PPP4R3A: variants seen among roughly 807,000 people sequenced by gnomAD.
PPP4R3A encodes serine/threonine-protein phosphatase 4 regulatory subunit 3A.
Under a neutral mutation model 91.7 loss-of-function variants are expected in PPP4R3A, and 15 were observed. That is an observed-to-expected ratio of 0.16 (90% confidence interval 0.11 to 0.25). PPP4R3A has a LOEUF of 0.25. Among genes scored for constraint, PPP4R3A ranks in the 10% least tolerant of loss-of-function variants. The probability of loss-of-function intolerance (pLI) is 1.00; values close to 1 mark genes in which losing one functional copy is unlikely to be tolerated. For missense variants in PPP4R3A, 623 were observed against 998.4 expected (o/e 0.62, Z 5.07); for synonymous variants, 377 against 348.7 (o/e 1.08, Z -0.91).
At chr14:91,505,157 A>G (rs1595093289) in intron 1 of PPP4R3A, among the ~76,000 whole-genome samples, 1 of 152,108 alleles carries the variant, frequency 6.6e-6, no homozygotes, top group East Asian at 1.9e-4. Context: ...GAACTTATTA[A>G]AAAAAAGAAA....
chr14:91,485,899 C>T (rs775044629), intron 2 of PPP4R3A, among the ~76,000 whole-genome samples, 169 bp from the exon 3 acceptor site: 3 of 152,148 alleles, frequency 2.0e-5, no homozygotes, highest in Non-Finnish European at 4.4e-5. Flanking sequence ...CTTCACTTCC[C>T]CCAATCTATA....
In PPP4R3A at chr14:91,509,727, G is replaced by A. The variant is rs1891663999; in HGVS notation, c.-80C>T. 7.0e-7 allele frequency: 1 copy of A among 1,425,824 alleles called. No individual in the cohort carries two copies. Among genetic ancestry groups the A allele is most frequent in the Non-Finnish European group, 9.1e-7 (1 of 1,098,728 alleles). The allele number at this position is 1,425,824 out of a possible 1,614,324, so 88.3% of individuals were successfully genotyped here. On this transcript the variant is annotated 5_prime_UTR_variant, in exon 1 of 15. In the 5' UTR this introduces an upstream ATG that the reference lacks. Transcript: ENST00000554943. ...GCCCTGGAGAGGCGAGGGGCGAGGCGTGAGGGCGCCCGCGAGCGGAGGGCT... is the reference window on the plus strand; with the variant it reads ...GCCCTGGAGAGGCGAGGGGCGAGGCATGAGGGCGCCCGCGAGCGGAGGGCT...
chr14:91,505,112 G>C (rs1194432636), intron 1 of PPP4R3A, among the ~76,000 whole-genome samples: 1 of 152,030 alleles, frequency 6.6e-6, no homozygotes, highest in Non-Finnish European at 1.5e-5. Flanking sequence ...CTTAATAGAT[G>C]AATGACTTTG....
In PPP4R3A at chr14:91,460,909, G is replaced by A. The variant is rs540472381; in HGVS notation, c.2391+472C>T. The stretch of plus-strand genomic sequence containing the variant: ...GCTGGGATTACAGGCGTGAGCCACC[G>A]TGCCCAGCCCTTGTTCATTTCTTAT... On this transcript the variant is annotated intron_variant, in intron 14 of 14. Coordinates refer to ENST00000554943, the MANE Select transcript of PPP4R3A (RefSeq NM_001366432.2). 1.2e-3 allele frequency among the ~76,000 whole-genome samples: 184 copies of A among 152,242 alleles called. 1 individual carries two copies. The highest frequency in any genetic ancestry group is 4.2e-3 in the African/African-American group (174 of 41,526).
intron 1 of PPP4R3A, among the ~76,000 whole-genome samples, chr14:91,495,651 A>G (rs1890510810): frequency 6.6e-6 from 1 of 152,162 alleles, no homozygotes; most frequent in Non-Finnish European, 1.5e-5. Context: ...AATGAATTGT[A>G]CATTTTGAAT....
At chr14:91,466,615 AT>A (rs1396197084) in intron 10 of PPP4R3A, among the ~76,000 whole-genome samples, 1 of 152,190 alleles carries the variant, frequency 6.6e-6, no homozygotes, top group Non-Finnish European at 1.5e-5. Flanking sequence ...ATTGCATTTT[AT>A]TTTTTAAACT....
At chr14:91,466,112 T>G in intron 10 of PPP4R3A, 5 of 364,230 alleles carry the variant, frequency 1.4e-5, no homozygotes, top group African/African-American at 2.2e-5. Context: ...ATTTACATCT[T>G]GAGGTATGGG....
chr14:91,479,223 T>A (rs990250077), intron 4 of PPP4R3A, among the ~76,000 whole-genome samples: 2 of 151,724 alleles, frequency 1.3e-5, no homozygotes, highest in African/African-American at 4.8e-5. Flanking sequence ...CCTCAAGTGA[T>A]CCACCCACCT....
intron 10 of PPP4R3A, among the ~76,000 whole-genome samples, chr14:91,468,667 CAAAAAAAAAAA>C (rs766250846): frequency 2.2e-5 from 1 of 45,050 alleles, no homozygotes; most frequent in African/African-American, 1.1e-4. Flanking sequence ...GACTCCGTCT[CAAAAAAAAAAA>C]AAAAAAAAAA....
intron 11 of PPP4R3A, 94 bp from the exon 12 acceptor site, chr14:91,462,971 CTTAA>C (rs1888250920): frequency 2.0e-6 from 2 of 979,462 alleles, no homozygotes; most frequent in Non-Finnish European, 3.0e-6. Context: ...CCAAAAATAG[CTTAA>C]TTTAATAAAA....
chr14:91,470,505 G>T (rs1249672363), intron 10 of PPP4R3A, among the ~76,000 whole-genome samples: 7 of 152,070 alleles, frequency 4.6e-5, no homozygotes, highest in African/African-American at 1.4e-4. Flanking sequence ...TCAGCTTGTA[G>T]GCTGTACAAT....
chr14:91,496,086 T>C (rs1023653530), intron 1 of PPP4R3A, among the ~76,000 whole-genome samples: 2 of 152,150 alleles, frequency 1.3e-5, no homozygotes, highest in African/African-American at 2.4e-5. Context: ...GTATAAACCA[T>C]AGAATTCAAT....
chr14:91,501,675 C>CA (rs1485972022), intron 1 of PPP4R3A, among the ~76,000 whole-genome samples: 1 of 148,790 alleles, frequency 6.7e-6, no homozygotes, highest in African/African-American at 2.5e-5. Flanking sequence ...CAATGGGGCC[C>CA]AAAATCTCAT....
rs1454061526 is a variant in PPP4R3A, at chr14:91,499,264, GAA to G, written c.143-8464_143-8463del. ...TGGGCGACAGAGCGAGACCCTGTGTGAAAAAAACAAAATAAAATATAAAAATG... is the reference window on the plus strand; with the variant it reads ...TGGGCGACAGAGCGAGACCCTGTGTGAAAAACAAAATAAAATATAAAAATG... On this transcript the variant is annotated intron_variant, in intron 1 of 14. Coordinates refer to ENST00000554943, the MANE Select transcript of PPP4R3A (RefSeq NM_001366432.2). 2.0e-5 allele frequency among the ~76,000 whole-genome samples: 3 copies of G among 150,486 alleles called. No homozygotes were observed. In the South Asian group the frequency reaches 6.3e-4, roughly 32 times the overall value.
At chr14:91,468,150 G>T (rs1888592090) in intron 10 of PPP4R3A, among the ~76,000 whole-genome samples, 1 of 152,140 alleles carries the variant, frequency 6.6e-6, no homozygotes, top group South Asian at 2.1e-4. Context: ...TAGGTTTAAT[G>T]ATAACCTGAC....
intron 1 of PPP4R3A, among the ~76,000 whole-genome samples, chr14:91,494,908 C>G (rs1385187154): frequency 6.6e-6 from 1 of 152,032 alleles, no homozygotes; most frequent in Non-Finnish European, 1.5e-5. Flanking sequence ...CATTTAGTAC[C>G]CACTAGAATG....
intron 7 of PPP4R3A, chr14:91,475,416 A>T (rs1007219702): frequency 5.4e-6 from 1 of 183,846 alleles, no homozygotes; most frequent in African/African-American, 2.4e-5. Context: ...ATTTTAAGGG[A>T]CTGTGCTACA....
chr14:91,498,289 T>C (rs965370283), intron 1 of PPP4R3A, among the ~76,000 whole-genome samples: 1 of 151,688 alleles, frequency 6.6e-6, no homozygotes, highest in Non-Finnish European at 1.5e-5. Flanking sequence ...AAGCCAAGAT[T>C]GTGCCACTGC....
In PPP4R3A at chr14:91,457,802, A is replaced by C. The variant is rs1033649881; in HGVS notation, c.*957T>G. ...TTTTAAATTCCATTCTATTTCCCTG[A>C]ATTCTCAAGACAGTTGCTGATGTAA... On this transcript the variant is annotated 3_prime_UTR_variant, in exon 15 of 15. Coordinates refer to ENST00000554943, the MANE Select transcript of PPP4R3A (RefSeq NM_001366432.2). The C allele has an allele frequency of 1.3e-5, 2 of 152,664 alleles. No individual in the cohort carries two copies. The highest frequency in any genetic ancestry group is 2.9e-5 in the Non-Finnish European group (2 of 68,034). The allele number at this position is 152,664 out of a possible 1,614,324, so 9.5% of individuals were successfully genotyped here. A position where few individuals can be genotyped will look rare whatever the true frequency, so the allele number is the denominator to read the frequency against.
Sources: gnomAD v4.1 joint callset for allele counts (sites outside exome capture counted in the v4.1 genomes callset) on GRCh38, gnomAD v4.1.1 for gene constraint, MANE v1.5 for transcripts, NCBI Gene and HGNC (gene_info 2026-07-23, HGNC 2026-07-21) for gene names.